Variants in SLC9A9 observed in about 807,000 individuals in gnomAD.
SLC9A9 encodes solute carrier family 9 member A9.
SLC9A9 carries 62 observed loss-of-function variants against 77.8 expected under a neutral mutation model. That is an observed-to-expected ratio of 0.80 (90% confidence interval 0.65 to 0.98). SLC9A9 has a LOEUF of 0.98. Ranked by LOEUF, SLC9A9 falls within the 50% of genes least tolerant of loss-of-function variation. The pLI is 0.00. For missense variants in SLC9A9, 775 were observed against 774.9 expected (o/e 1.00, Z 0.00); for synonymous variants, 320 against 283.5 (o/e 1.13, Z -1.29).
At chr3:143,324,786 C>G (rs1450484269) in intron 14 of SLC9A9, among the ~76,000 whole-genome samples, 2 of 152,298 alleles carry the variant, frequency 1.3e-5, no homozygotes, top group East Asian at 3.9e-4. Context: ...TGCACCACTA[C>G]ACTCCAGCCT....
intron 6 of SLC9A9, among the ~76,000 whole-genome samples, chr3:143,596,034 A>G (rs2037746238): frequency 2.6e-5 from 4 of 152,118 alleles, no homozygotes; most frequent in Admixed American, 2.6e-4. Context: ...GGTTTTTGCA[A>G]TATGTTTCCT....
chr3:143,660,605 T>C (rs1391107680), intron 5 of SLC9A9, among the ~76,000 whole-genome samples: 2 of 152,212 alleles, frequency 1.3e-5, no homozygotes, highest in Admixed American at 6.5e-5. Context: ...GTTTGTGCTG[T>C]CTTAATCCGC....
Position 143,463,441 on chromosome 3 carries a change from T to C in SLC9A9, c.1469+3596A>G, listed in dbSNP as rs536000894. ...GGTCTTTAATGTTTATTTGTAAGCATGTGCAACCATTTGGTCGATAATCTT... is the reference window on the plus strand; with the variant it reads ...GGTCTTTAATGTTTATTTGTAAGCACGTGCAACCATTTGGTCGATAATCTT... On this transcript the variant is annotated intron_variant, in intron 12 of 15. Coordinates refer to ENST00000316549, the MANE Select transcript of SLC9A9 (RefSeq NM_173653.4). 6.6e-5 allele frequency among the ~76,000 whole-genome samples: 10 copies of C among 152,332 alleles called. No individual in the cohort carries two copies. The South Asian group carries it at 1.9e-3, about 28-fold the overall frequency.
rs569271582 is a variant in SLC9A9, at chr3:143,487,437, A to G, written c.1315+6216T>C. ...CCAACTAGATCTAACAGACATATAC[A>G]GAACAATCTACCCAACGACAACAAC... is the stretch of plus-strand genomic sequence containing the variant. On this transcript the variant is annotated intron_variant, in intron 11 of 15. Transcript: ENST00000316549. 3.3e-5 allele frequency among the ~76,000 whole-genome samples: 5 copies of G among 152,040 alleles called. No homozygotes were observed. In the South Asian group the frequency reaches 1.0e-3, roughly 32 times the overall value.
rs548331399 is a variant in SLC9A9, at chr3:143,827,276, ATGG to A, written c.378+4740_378+4742del. The stretch of plus-strand genomic sequence containing the variant: ...TTGTATACACAGAACAATTTGACAA[ATGG>A]TGGTGGAAACATTGGCTGAACAGAT... On this transcript the variant is annotated intron_variant, in intron 2 of 15. Coordinates refer to ENST00000316549, the MANE Select transcript of SLC9A9 (RefSeq NM_173653.4). Among the ~76,000 whole-genome samples, 475 of 152,328 alleles carry A rather than the reference ATGG, an allele frequency of 3.1e-3. 4 individuals are homozygous for A. Among genetic ancestry groups the A allele is most frequent in the African/African-American group, 0.011 (457 of 41,578 alleles).
At chr3:143,315,157 T>C (rs1390767201) in intron 14 of SLC9A9, among the ~76,000 whole-genome samples, 1 of 152,156 alleles carries the variant, frequency 6.6e-6, no homozygotes, top group East Asian at 1.9e-4. Context: ...ACAAAGAACA[T>C]CAGTTTTTGA....
chr3:143,472,162 C>T (rs1487202597), intron 11 of SLC9A9, among the ~76,000 whole-genome samples: 2 of 152,108 alleles, frequency 1.3e-5, no homozygotes, highest in Non-Finnish European at 2.9e-5. Context: ...AAGCTTTATC[C>T]CAGACACAGT....
rs76109890 is a variant in SLC9A9, at chr3:143,539,107, A to G, written c.1089+13255T>C. 9.0e-3 allele frequency among the ~76,000 whole-genome samples: 1,372 copies of G among 152,282 alleles called. 13 individuals carry two copies. The highest frequency in any genetic ancestry group is 0.031 in the African/African-American group (1,270 of 41,536). ...GTAATAGTTTGTTACCTAGGTATTC[A>G]CTGTTGAGGCAGGTCTATCATAACA... On this transcript the variant is annotated intron_variant, in intron 9 of 15. Transcript: ENST00000316549.
chr3:143,744,555 G>A (rs1576697207), intron 4 of SLC9A9, among the ~76,000 whole-genome samples: 1 of 152,080 alleles, frequency 6.6e-6, no homozygotes, highest in East Asian at 1.9e-4. Context: ...GCCTGCCTAA[G>A]CCCTGCTTGC....
intron 6 of SLC9A9, 93 bp from the exon 7 acceptor site, chr3:143,578,816 C>T (rs2037408980): frequency 1.4e-6 from 2 of 1,472,350 alleles, no homozygotes; most frequent in South Asian, 1.1e-5. Flanking sequence ...GTATCTTTCC[C>T]TGTAATGTTG....
intron 4 of SLC9A9, among the ~76,000 whole-genome samples, chr3:143,740,058 G>C (rs1309911115): frequency 6.6e-6 from 1 of 152,144 alleles, no homozygotes; most frequent in Non-Finnish European, 1.5e-5. Context: ...CTGTGTTATT[G>C]AAGATGCTGA....
intron 8 of SLC9A9, among the ~76,000 whole-genome samples, chr3:143,555,456 T>C (rs1421057990): frequency 6.6e-6 from 1 of 152,186 alleles, no homozygotes; most frequent in Non-Finnish European, 1.5e-5. Context: ...ACCAGGCACA[T>C]GGTAGGCACT....
At chr3:143,642,961 C>G (rs775967315) in intron 6 of SLC9A9, among the ~76,000 whole-genome samples, 2 of 152,024 alleles carry the variant, frequency 1.3e-5, no homozygotes, top group African/African-American at 2.4e-5. Flanking sequence ...ATTTGATAAT[C>G]TTTCTCATAT....
intron 9 of SLC9A9, among the ~76,000 whole-genome samples, chr3:143,532,382 A>G (rs1983467): frequency 0.11 from 16,888 of 152,246 alleles, 1,148 homozygotes; most frequent in East Asian, 0.14. Flanking sequence ...TGGGGCCTCA[A>G]TAGTTTCTAG....
At chr3:143,450,625 T>C (rs1266627682) in intron 12 of SLC9A9, among the ~76,000 whole-genome samples, 1 of 152,212 alleles carries the variant, frequency 6.6e-6, no homozygotes, top group East Asian at 1.9e-4. Context: ...TAAAGATTAC[T>C]GTTTGAAACA....
At chr3:143,705,050 T>C (rs1056902556) in intron 4 of SLC9A9, among the ~76,000 whole-genome samples, 6 of 142,622 alleles carry the variant, frequency 4.2e-5, no homozygotes, top group Non-Finnish European at 9.0e-5. Flanking sequence ...TATATAGATA[T>C]AGATATAGAT....
At chr3:143,582,530 A>G (rs2037474367) in intron 6 of SLC9A9, among the ~76,000 whole-genome samples, 1 of 152,188 alleles carries the variant, frequency 6.6e-6, no homozygotes, top group Non-Finnish European at 1.5e-5. Flanking sequence ...GACTGCCCTC[A>G]GGGCACACCA....
At chr3:143,467,583 A>AT (rs149689623) in intron 11 of SLC9A9, among the ~76,000 whole-genome samples, 7 of 151,586 alleles carry the variant, frequency 4.6e-5, no homozygotes, top group East Asian at 1.9e-4. Flanking sequence ...GTCTCTACAG[A>AT]TTTTTTTTTA....
chr3:143,590,195 ACTT>A lies in SLC9A9; in HGVS notation c.756-11475_756-11473del, dbSNP rs574168028. Among the ~76,000 whole-genome samples, 476 of 152,294 alleles carry A rather than the reference ACTT, an allele frequency of 3.1e-3. 2 individuals are homozygous for A. The highest frequency in any genetic ancestry group is 9.8e-3 in the African/African-American group (407 of 41,568). ...TGACTACTGTCTCTTTAGAGTAACT[ACTT>A]ATCTGTCTCAGCATCTTCATCTGGA... On this transcript the variant is annotated intron_variant, in intron 6 of 15. Transcript: ENST00000316549.
Sources: gnomAD v4.1 joint callset for allele counts (sites outside exome capture counted in the v4.1 genomes callset) on GRCh38, gnomAD v4.1.1 for gene constraint, MANE v1.5 for transcripts, NCBI Gene and HGNC (gene_info 2026-07-23, HGNC 2026-07-21) for gene names.